The following TNFAIP8L3 variants were observed in gnomAD, a reference collection of about 807,000 sequenced individuals.
TNFAIP8L3 encodes tumor necrosis factor alpha-induced protein 8-like protein 3.
Under a neutral mutation model 11.8 loss-of-function variants are expected in TNFAIP8L3, and 7 were observed. The observed-to-expected ratio is 0.59, with a 90% confidence interval of 0.34 to 1.11. The LOEUF (loss-of-function observed/expected upper bound fraction) is 1.11, where lower values mean the gene tolerates loss of function less well. TNFAIP8L3 is among the 50% of genes most tolerant of loss of function. The pLI is 0.03. For synonymous variants in TNFAIP8L3, 98 were observed against 103.8 expected, an observed-to-expected ratio of 0.94 and a Z score of 0.34; for missense variants, 219 against 258.6, an observed-to-expected ratio of 0.85 and a Z score of 1.05.
intron 1 of TNFAIP8L3, among the ~76,000 whole-genome samples, chr15:51,086,654 G>GT (rs148033884): frequency 0.047 from 7,220 of 152,184 alleles, 560 homozygotes; most frequent in African/African-American, 0.17. Flanking sequence ...TCTGTGTTTG[G>GT]TTTTCTGTTC....
At chr15:51,083,312 T>A (rs1567293334) in intron 1 of TNFAIP8L3, among the ~76,000 whole-genome samples, 1 of 152,186 alleles carries the variant, frequency 6.6e-6, no homozygotes, top group Non-Finnish European at 1.5e-5. Context: ...CTGACGGTGG[T>A]GGTGGCAGAC....
At chr15:51,073,592 A>G (rs543760222) in intron 1 of TNFAIP8L3, among the ~76,000 whole-genome samples, 20 of 152,350 alleles carry the variant, frequency 1.3e-4, no homozygotes, top group African/African-American at 4.8e-4. Flanking sequence ...TCTAATTTAT[A>G]TAGCATCTCT....
chr15:51,096,891 C>CAAAAAAAAAAAAAAAA (rs56057102), upstream of TNFAIP8L3, among the ~76,000 whole-genome samples: 14 of 98,206 alleles, frequency 1.4e-4, no homozygotes, highest in South Asian at 3.8e-4. Flanking sequence ...CACGCTGTCT[C>CAAAAAAAAAAAAAAAA]AAAAAAAAAA....
At chr15:51,061,673 C>G (rs1471910043) in intron 1 of TNFAIP8L3, among the ~76,000 whole-genome samples, 1 of 152,020 alleles carries the variant, frequency 6.6e-6, no homozygotes, top group Non-Finnish European at 1.5e-5. Flanking sequence ...TCTCTACAAC[C>G]AAAGGATGCA....
chr15:51,104,708 C>T (rs1158983353), intron 1 of TNFAIP8L3, among the ~76,000 whole-genome samples: 2 of 152,202 alleles, frequency 1.3e-5, no homozygotes, highest in South Asian at 2.1e-4. Context: ...TCTGAATTAT[C>T]CTCATGGGAC....
chr15:51,063,338 C>T (rs887761916), intron 1 of TNFAIP8L3, among the ~76,000 whole-genome samples: 6 of 152,146 alleles, frequency 3.9e-5, no homozygotes, highest in Admixed American at 3.9e-4. Flanking sequence ...GAGGGCTTTC[C>T]CAGGCAGTGG....
At chr15:51,096,037 C>T (rs1389133505), upstream of TNFAIP8L3, among the ~76,000 whole-genome samples, 1 of 152,130 alleles carries the variant, frequency 6.6e-6, no homozygotes, top group Non-Finnish European at 1.5e-5. Context: ...TCATAGAATT[C>T]AACTTATTTT....
chr15:51,072,382 T>C (rs12900777), intron 1 of TNFAIP8L3, among the ~76,000 whole-genome samples: 30,943 of 152,164 alleles, frequency 0.2, 3,630 homozygotes, highest in East Asian at 0.44. Context: ...TCAAGTGATC[T>C]GCCTCCTCTT....
At chr15:51,101,931 G>A (rs372097537) in intron 1 of TNFAIP8L3, among the ~76,000 whole-genome samples, 27 of 118,672 alleles carry the variant, frequency 2.3e-4, no homozygotes, top group African/African-American at 8.6e-4. Context: ...GGGCGACAGA[G>A]CAAGACTCTG....
rs1316885458 is a variant in TNFAIP8L3 at position 51,089,567 on chromosome 15, T to A, written c.52+4977A>T. ...ACTGTGTCCTTATCTCTCTTTGCAT[T>A]TCCCATAATTCCTAACACAGAGTCC... On this transcript the variant is annotated intron_variant, in intron 1 of 1. Coordinates refer to ENST00000637513, the MANE Select transcript of TNFAIP8L3 (RefSeq NM_001311175.2). 2.6e-5 allele frequency among the ~76,000 whole-genome samples: 4 copies of A among 152,326 alleles called. No homozygotes were observed. The East Asian group carries it at 7.7e-4, about 29-fold the overall frequency.
Position 51,058,383 on chromosome 15 carries a change from T to A in TNFAIP8L3, c.113A>T (p.Lys38Ile), listed in dbSNP as rs745655914. The change falls in exon 2 of 2, where the codon AAA becomes ATA. Residue 38 changes from lysine to isoleucine, a missense_variant. Lys to Ile is a moderately radical substitution (Grantham distance 102). Transcript: ENST00000637513. ...ALQAQKKILSKIASKTVANML... is the reference protein window; with the variant it reads ...ALQAQKKILSIIASKTVANML... ...GTTGGCCACAGTTTTGCTGGCTATT[T>A]TGCTCAGAATCTTCTTCTGGGCTTG... The A allele has an allele frequency of 2.5e-6, 4 of 1,613,650 alleles. No individual in the cohort carries two copies. The highest frequency in any genetic ancestry group is 1.7e-4 in the Middle Eastern group (1 of 6,058).
intron 1 of TNFAIP8L3, among the ~76,000 whole-genome samples, chr15:51,075,541 A>C (rs1217699527): frequency 6.6e-6 from 1 of 152,162 alleles, no homozygotes; most frequent in African/African-American, 2.4e-5. Flanking sequence ...GGCAGCTCCC[A>C]AACTTTCTCT....
chr15:51,071,050 C>CAAAAAAAAAAA (rs55991711), intron 1 of TNFAIP8L3, among the ~76,000 whole-genome samples: 7 of 31,814 alleles, frequency 2.2e-4, no homozygotes, highest in East Asian at 2.4e-3. Context: ...GACTCCGTCT[C>CAAAAAAAAAAA]AAAAAAAAAA....
upstream of TNFAIP8L3, among the ~76,000 whole-genome samples, chr15:51,097,328 A>G (rs980886417): frequency 6.6e-6 from 1 of 152,330 alleles, no homozygotes; most frequent in African/African-American, 2.4e-5. Flanking sequence ...CACATTTACA[A>G]CACATGTATG....
At chr15:51,092,531 C>T (rs1048993593) in intron 1 of TNFAIP8L3, among the ~76,000 whole-genome samples, 11 of 152,182 alleles carry the variant, frequency 7.2e-5, no homozygotes, top group South Asian at 4.1e-4. Flanking sequence ...TGGCTTGTGA[C>T]ATTAAAATAC....
chr15:51,105,124 G>A (rs1365646765), exon 1 of TNFAIP8L3: 1 of 1,614,060 alleles, frequency 6.2e-7, no homozygotes, highest in African/African-American at 1.3e-5. Context: ...CTTTGGCTCT[G>A]CCTCACAGAG....
intron 1 of TNFAIP8L3, among the ~76,000 whole-genome samples, chr15:51,071,469 T>G (rs887850447): frequency 6.6e-5 from 10 of 152,242 alleles, no homozygotes; most frequent in Non-Finnish European, 1.5e-4. Context: ...TTCATAAGTA[T>G]GCATGCATCA....
chr15:51,100,988 C>G (rs1348457786), intron 1 of TNFAIP8L3, among the ~76,000 whole-genome samples: 1 of 152,214 alleles, frequency 6.6e-6, no homozygotes, highest in African/African-American at 2.4e-5. Context: ...TAGCTGTTTT[C>G]TAGCTGGATA....
intron 1 of TNFAIP8L3, among the ~76,000 whole-genome samples, chr15:51,104,219 T>G (rs904176628): frequency 2.0e-5 from 3 of 152,114 alleles, no homozygotes; most frequent in African/African-American, 7.2e-5. Context: ...ATTTTACCCT[T>G]TCCTTTCCAT....
Sources: allele counts gnomAD v4.1 joint callset (sites outside exome capture counted in the v4.1 genomes callset), GRCh38; gene constraint gnomAD v4.1.1; transcripts MANE v1.5; gene names NCBI Gene and HGNC (gene_info 2026-07-23, HGNC 2026-07-21).